Variants in GET4 observed in about 807,000 individuals in gnomAD.
The protein encoded by GET4 is guided entry of tail-anchored proteins factor 4.
Under a neutral mutation model 40.0 loss-of-function variants are expected in GET4, and 20 were observed. That is an observed-to-expected ratio of 0.50 (90% confidence interval 0.35 to 0.73). The LOEUF (loss-of-function observed/expected upper bound fraction) is 0.73, where lower values mean the gene tolerates loss of function less well. GET4 is among the 30% of genes least tolerant of loss of function. GET4 has a pLI of 0.01. For missense variants in GET4, 557 were observed against 454.0 expected (o/e 1.23, Z -2.06); for synonymous variants, 280 against 194.6 (o/e 1.44, Z -3.65).
rs1585495432 is a variant in GET4 at position 887,494 on chromosome 7, G to A, written c.441G>A (p.Gln147=). ...AGCTGGGCCACCCCCGGCTGCACCA[G>A]CTGCTGGCCCTCACCCTGTGGAAAG... is the stretch of plus-strand genomic sequence containing the variant. ...SGKLGHPRLH[Q]LLALTLWKEQ... The change falls in exon 4 of 9, where the codon CAG becomes CAA. Residue 147 remains glutamine, a synonymous_variant. Transcript: ENST00000265857. 3.2e-6 allele frequency: 5 copies of A among 1,568,078 alleles called. No homozygotes were observed. The highest frequency in any genetic ancestry group is 4.3e-6 in the Non-Finnish European group (5 of 1,157,280).
rs550202805 is a variant in GET4 at position 884,625 on chromosome 7, C to T, written c.156-1431C>T. 1.7e-3 allele frequency: 404 copies of T among 240,762 alleles called. 2 individuals are homozygous for T. The highest frequency in any genetic ancestry group is 8.8e-3 in the African/African-American group (382 of 43,618). 14.9% of individuals were successfully genotyped at this position (240,762 alleles called of 1,614,324 possible). A position where few individuals can be genotyped will look rare whatever the true frequency, so the allele number is the denominator to read the frequency against. On this transcript the variant is annotated intron_variant, in intron 1 of 8. Coordinates refer to ENST00000265857, the MANE Select transcript of GET4 (RefSeq NM_015949.3). ...GGCGGGGCTGTCTGTGTTTGGGGTC[C>T]CTGGCTGTGGTGCCTTCTGAAGAGG... is the stretch of plus-strand genomic sequence containing the variant.
At chr7:887,196 G>A (rs747763246) in intron 3 of GET4, 174 bp from the exon 4 acceptor site, 13 of 780,276 alleles carry the variant, frequency 1.7e-5, no homozygotes, top group Non-Finnish European at 2.8e-5. Context: ...GGCACATGGC[G>A]CTGGAACTGC....
chr7:887,642 C>G (rs767699707), intron 4 of GET4, 123 bp downstream of exon 4: 23 of 716,674 alleles, frequency 3.2e-5, no homozygotes, highest in South Asian at 3.5e-5. Context: ...TGTGGTCACG[C>G]GGGCCGGTCC....
chr7:893,493 G>A (rs73042478), intron 6 of GET4, among the ~76,000 whole-genome samples: 8,649 of 117,346 alleles, frequency 0.074, 446 homozygotes, highest in Admixed American at 0.13. Context: ...GGTGAGTGTT[G>A]GGTGCGGGCA....
intron 1 of GET4, among the ~76,000 whole-genome samples, chr7:877,487 TCC>T (rs1340298312): frequency 1.8e-5 from 1 of 54,822 alleles, no homozygotes; most frequent in Non-Finnish European, 3.3e-5. Flanking sequence ...CTCCCTGTCC[TCC>T]CTCTGCCCAC....
At chr7:885,407 C>G (rs1844167251) in intron 1 of GET4, 1 of 152,786 alleles carries the variant, frequency 6.5e-6, no homozygotes, top group Non-Finnish European at 1.5e-5. Context: ...CTGGTCCCCA[C>G]CATACCTCTC....
chr7:883,522 A>C (rs1179838701), intron 1 of GET4: 1 of 985,218 alleles, frequency 1.0e-6, no homozygotes, highest in Non-Finnish European at 1.2e-6. Context: ...TTGCCCAGAC[A>C]CTTTGCTCTG....
chr7:892,963 G>A (rs1233416868), intron 6 of GET4, among the ~76,000 whole-genome samples: 2 of 151,892 alleles, frequency 1.3e-5, no homozygotes, highest in Non-Finnish European at 2.9e-5. Context: ...GGTGTGTGCA[G>A]GTGTTGGGTG....
intron 1 of GET4, chr7:885,821 T>G (rs1585493497): frequency 3.9e-6 from 2 of 518,452 alleles, no homozygotes; most frequent in East Asian, 3.3e-5. Context: ...TGGCTCCTGG[T>G]GTATTTGGAC....
At chr7:891,512 G>A (rs773862163) in intron 5 of GET4, among the ~76,000 whole-genome samples, 2 of 151,824 alleles carry the variant, frequency 1.3e-5, no homozygotes, top group East Asian at 1.9e-4. Flanking sequence ...CAGCTCGGGC[G>A]CTGTCTGCTC....
chr7:876,907 C>A, intron 1 of GET4, 107 bp downstream of exon 1: 1 of 505,594 alleles, frequency 2.0e-6, no homozygotes, highest in Non-Finnish European at 2.6e-6. Context: ...CTGCCCGTCG[C>A]GGGGGCGAGC....
At position 876,563 on chromosome 7, in the gene GET4, T is replaced by C. The variant is rs1381499593; in HGVS notation, c.-83T>C. ...CCTCGCGGGCCACCGTAGAAGGGCG[T>C]CGGGCGGCCGTCGGGACGGAAGCCG... On this transcript the variant is annotated 5_prime_UTR_variant, in exon 1 of 9. Transcript: ENST00000265857. 3 of 1,112,786 alleles carry C rather than the reference T, an allele frequency of 2.7e-6. No individual in the cohort carries two copies. In the African/African-American group the frequency reaches 5.0e-5, roughly 19 times the overall value. 68.9% of individuals were successfully genotyped at this position (1,112,786 alleles called of 1,614,324 possible). A position where few individuals can be genotyped will look rare whatever the true frequency, so the allele number is the denominator to read the frequency against.
At chr7:891,305 C>T (rs1027530620) in intron 5 of GET4, among the ~76,000 whole-genome samples, 2 of 152,248 alleles carry the variant, frequency 1.3e-5, no homozygotes, top group Non-Finnish European at 2.9e-5. Context: ...CCTACACACG[C>T]CCCTCGCCTC....
chr7:879,318 G>T (rs973220860), intron 1 of GET4, among the ~76,000 whole-genome samples: 1 of 152,242 alleles, frequency 6.6e-6, no homozygotes, highest in Admixed American at 6.5e-5. Flanking sequence ...GAGCCCAAGC[G>T]AAGGTGGACT....
chr7:880,920 A>C (rs1844071901), intron 1 of GET4: 1 of 152,268 alleles, frequency 6.6e-6, no homozygotes, highest in African/African-American at 2.4e-5. Flanking sequence ...ACTGGAGAGC[A>C]GTGGCGCGAT....
chr7:880,723 TCAG>T (rs1348290120), intron 1 of GET4: 2 of 152,202 alleles, frequency 1.3e-5, no homozygotes, highest in Non-Finnish European at 2.9e-5. Flanking sequence ...GAAGACTGAG[TCAG>T]CAGCGGCAGC....
At chr7:889,120 G>C (rs1018779216) in intron 4 of GET4, among the ~76,000 whole-genome samples, 5 of 152,400 alleles carry the variant, frequency 3.3e-5, no homozygotes, top group African/African-American at 1.2e-4. Flanking sequence ...CACGGGATCA[G>C]GTTGAGGCCG....
At chr7:878,982 C>T (rs559398124) in intron 1 of GET4, among the ~76,000 whole-genome samples, 2 of 151,916 alleles carry the variant, frequency 1.3e-5, no homozygotes, top group East Asian at 1.9e-4. Context: ...AGACACCCCC[C>T]CCCGAGTAGA....
At chr7:881,967 G>C (rs1056653300) in intron 1 of GET4, 1 of 152,236 alleles carries the variant, frequency 6.6e-6, no homozygotes, top group Non-Finnish European at 1.5e-5. Context: ...AAGGATAATG[G>C]CCTCCAGCTC....
Sources: allele counts gnomAD v4.1 joint callset (sites outside exome capture counted in the v4.1 genomes callset), GRCh38; gene constraint gnomAD v4.1.1; transcripts MANE v1.5; gene names NCBI Gene and HGNC (gene_info 2026-07-23, HGNC 2026-07-21).